The following MYOF variants were observed in gnomAD, a reference collection of about 807,000 sequenced individuals.
MYOF encodes fer-1-like 3, myoferlin.
A neutral mutation model predicts 284.2 loss-of-function variants in MYOF; 244 were observed. The observed-to-expected ratio is 0.86, with a 90% CI of 0.77 to 0.95. MYOF has a LOEUF of 0.95. MYOF is among the 40% of genes least tolerant of loss of function. The pLI, the probability that MYOF is intolerant of heterozygous loss-of-function variation, is 0.00. For synonymous variants in MYOF, 904 were observed against 919.7 expected, an observed-to-expected ratio of 0.98 and a Z score of 0.31; for missense variants, 2,496 against 2,560.6, an observed-to-expected ratio of 0.97 and a Z score of 0.54.
chr10:93,459,901 C>T (rs1329926993), intron 1 of MYOF, among the ~76,000 whole-genome samples: 1 of 152,172 alleles, frequency 6.6e-6, no homozygotes, highest in Non-Finnish European at 1.5e-5. Flanking sequence ...CACTACCCTG[C>T]TCCCATAACC....
intron 1 of MYOF, among the ~76,000 whole-genome samples, chr10:93,459,248 C>T (rs1172953307): frequency 6.6e-6 from 1 of 152,178 alleles, no homozygotes; most frequent in Non-Finnish European, 1.5e-5. Context: ...ACAGAAACTC[C>T]CAATCCTCCT....
intron 1 of MYOF, among the ~76,000 whole-genome samples, chr10:93,472,246 A>C (rs1402631314): frequency 6.6e-6 from 1 of 152,248 alleles, no homozygotes; most frequent in East Asian, 1.9e-4. Context: ...GATGGCTATT[A>C]TGAAATAAAG....
At chr10:93,473,111 C>T (rs2057187127) in intron 1 of MYOF, among the ~76,000 whole-genome samples, 1 of 152,184 alleles carries the variant, frequency 6.6e-6, no homozygotes, top group Non-Finnish European at 1.5e-5. Context: ...TTTTTCGAAT[C>T]CAAAGGTCAT....
chr10:93,375,118 A>G (rs919003344), intron 22 of MYOF, among the ~76,000 whole-genome samples, 163 bp from the exon 23 acceptor site: 1 of 152,236 alleles, frequency 6.6e-6, no homozygotes, highest in African/African-American at 2.4e-5. Context: ...AGTAGAGTGT[A>G]TCTGGCATTG....
At position 93,306,740 on chromosome 10, in the gene MYOF, A is replaced by G. The variant is rs1183966205; in HGVS notation, c.*223T>C. On this transcript the variant is annotated 3_prime_UTR_variant, in exon 54 of 54. Coordinates refer to ENST00000359263, the MANE Select transcript of MYOF (RefSeq NM_013451.4). Reference sequence around the variant, plus strand: ...TTTTGAAAAACATGATTTAAACTTTAGAAAATAAAACTTTTAATACTTAAG... The same window carrying G: ...TTTTGAAAAACATGATTTAAACTTTGGAAAATAAAACTTTTAATACTTAAG... 2.1e-6 allele frequency: 1 copy of G among 485,572 alleles called. No individual in the cohort carries two copies. Among genetic ancestry groups the G allele is most frequent in the African/African-American group, 2.0e-5 (1 of 49,416 alleles). 30.1% of individuals were successfully genotyped at this position (485,572 alleles called of 1,614,324 possible). A position where few individuals can be genotyped will look rare whatever the true frequency, so the allele number is the denominator to read the frequency against.
At chr10:93,344,254 G>C (rs1293737474) in intron 37 of MYOF, among the ~76,000 whole-genome samples, 1 of 152,224 alleles carries the variant, frequency 6.6e-6, no homozygotes, top group Non-Finnish European at 1.5e-5. Flanking sequence ...GCAGGAGTAA[G>C]TGGGGAACCG....
rs1842457545 is a variant in MYOF, at chr10:93,312,953, T to TAA, written c.5889+65_5889+66dup. On this transcript the variant is annotated intron_variant, in intron 51 of 53. Coordinates refer to ENST00000359263, the MANE Select transcript of MYOF (RefSeq NM_013451.4). ...ATTTTATCTGGAGTAAGTCTATGGA[T>TAA]AAAGGGCAAAACCTAAATGATAAAA... 7.4e-6 allele frequency: 11 copies of TAA among 1,485,130 alleles called. No homozygotes were observed. The South Asian group carries it at 1.5e-4, about 20-fold the overall frequency. 92.0% of individuals were successfully genotyped at this position (1,485,130 alleles called of 1,614,324 possible).
intron 19 of MYOF, among the ~76,000 whole-genome samples, 156 bp from the exon 20 acceptor site, chr10:93,381,552 T>C (rs1846113583): frequency 1.3e-5 from 2 of 152,184 alleles, no homozygotes; most frequent in Admixed American, 1.3e-4. Context: ...CTTGCACTCA[T>C]ACAAGTGAGC....
At chr10:93,477,570 C>T (rs967679810) in intron 1 of MYOF, among the ~76,000 whole-genome samples, 14 of 151,982 alleles carry the variant, frequency 9.2e-5, no homozygotes, top group South Asian at 4.2e-4. Context: ...TATTCATGGC[C>T]GGGCGCAGTG....
At chr10:93,353,921 A>G (rs772735117) in intron 31 of MYOF, 33 bp from the exon 32 acceptor site, 2 of 1,524,166 alleles carry the variant, frequency 1.3e-6, no homozygotes. Context: ...ACTTACAAGA[A>G]GCGTAACACT....
chr10:93,341,008 C>T (rs1843880032), intron 38 of MYOF, among the ~76,000 whole-genome samples: 1 of 152,112 alleles, frequency 6.6e-6, no homozygotes, highest in Non-Finnish European at 1.5e-5. Context: ...CGTAGGTGCC[C>T]CTTGGTATTT....
chr10:93,409,816 C>G, intron 5 of MYOF, 77 bp from the exon 6 acceptor site: 1 of 1,539,188 alleles, frequency 6.5e-7, no homozygotes, highest in Admixed American at 2.0e-5. Context: ...TTCCAGGACA[C>G]GGTTTTGTCT....
In MYOF at chr10:93,404,043, A is replaced by C; in HGVS notation, c.823T>G (p.Cys275Gly). Reference sequence around the variant, plus strand: ...CTCACCTTAAATTCCCCCATCAGACAATCTGCCCGCAGAGAGTGAGAATTA... The same window carrying C: ...CTCACCTTAAATTCCCCCATCAGACCATCTGCCCGCAGAGAGTGAGAATTA... ...VYNSHSLRAD[C>G]LMGEFKIDVG... Residue 275 changes from cysteine to glycine, a missense_variant, in exon 9 of 54, where the codon TGT becomes GGT. Cys to Gly is a radical substitution (Grantham distance 159, BLOSUM62 -3). Around this residue, in one of 3 missense-constraint regions of MYOF, gnomAD observed 2,436 missense variants for 2,480.7 expected, o/e 0.98. Coordinates refer to ENST00000359263, the MANE Select transcript of MYOF (RefSeq NM_013451.4). 1.9e-6 allele frequency: 3 copies of C among 1,614,136 alleles called. No homozygotes were observed. Among genetic ancestry groups the C allele is most frequent in the South Asian group, 1.1e-5 (1 of 91,078 alleles).
intron 1 of MYOF, among the ~76,000 whole-genome samples, chr10:93,462,763 A>T (rs1272157196): frequency 6.6e-6 from 1 of 151,146 alleles, no homozygotes; most frequent in Non-Finnish European, 1.5e-5. Context: ...TAGATAAATT[A>T]TTTTTCTTAT....
chr10:93,423,420 G>A (rs909961298), intron 5 of MYOF, among the ~76,000 whole-genome samples: 2 of 151,166 alleles, frequency 1.3e-5, no homozygotes, highest in African/African-American at 2.4e-5. Context: ...CCACCTTCTC[G>A]GGAGGCCGAG....
intron 24 of MYOF, among the ~76,000 whole-genome samples, chr10:93,370,419 C>T (rs12246535): frequency 0.31 from 46,844 of 149,462 alleles, 8,452 homozygotes; most frequent in East Asian, 0.86. Flanking sequence ...TCAAGCGATC[C>T]TCCCTCCCCA....
intron 46 of MYOF, among the ~76,000 whole-genome samples, chr10:93,325,454 C>G (rs1057447263): frequency 4.6e-5 from 7 of 152,178 alleles, no homozygotes; most frequent in Non-Finnish European, 2.9e-5. Context: ...CAACAAATCC[C>G]TATGCATTTA....
intron 29 of MYOF, among the ~76,000 whole-genome samples, chr10:93,357,460 G>A (rs1844860867): frequency 6.6e-6 from 1 of 152,212 alleles, no homozygotes; most frequent in Admixed American, 6.5e-5. Context: ...TGCCCACTGT[G>A]TGACAGGGAT....
intron 19 of MYOF, among the ~76,000 whole-genome samples, chr10:93,382,080 T>C (rs1846148425): frequency 6.6e-6 from 1 of 152,166 alleles, no homozygotes; most frequent in Non-Finnish European, 1.5e-5. Context: ...AATAGATATT[T>C]TAATATTCAT....
Sources: gnomAD v4.1 joint callset for allele counts (sites outside exome capture counted in the v4.1 genomes callset) on GRCh38, gnomAD v4.1.1 for gene constraint, gnomAD v4.1.1 regional missense constraint, MANE v1.5 for transcripts, NCBI Gene and HGNC (gene_info 2026-07-23, HGNC 2026-07-21) for gene names.